OPCML: variants seen among roughly 807,000 people sequenced by gnomAD.
The protein encoded by OPCML is opioid binding protein/cell adhesion molecule like.
OPCML carries 13 observed loss-of-function variants against 37.8 expected under a neutral mutation model. That is an observed-to-expected ratio of 0.34 (90% confidence interval 0.22 to 0.55). The LOEUF (loss-of-function observed/expected upper bound fraction) is 0.55. OPCML is among the 20% of genes least tolerant of loss of function. OPCML has a pLI of 0.91. For synonymous variants in OPCML, 176 were observed against 168.8 expected (o/e 1.04, Z -0.33); for missense variants, 341 against 435.6 (o/e 0.78, Z 1.93).
At chr11:133,347,040 A>G (rs1435339930) in intron 1 of OPCML, among the ~76,000 whole-genome samples, 4 of 152,218 alleles carry the variant, frequency 2.6e-5, no homozygotes, top group African/African-American at 9.6e-5. Context: ...ATTGAGGGAG[A>G]GGATAAACAA....
intron 1 of OPCML, among the ~76,000 whole-genome samples, chr11:133,118,647 TA>T (rs1448013506): frequency 2.7e-5 from 4 of 150,294 alleles, no homozygotes; most frequent in African/African-American, 9.8e-5. Context: ...ATTTTTACCA[TA>T]TGAAAAAAAA....
chr11:133,439,530 C>T (rs1371474725), intron 1 of OPCML, among the ~76,000 whole-genome samples: 2 of 151,746 alleles, frequency 1.3e-5, no homozygotes, highest in Admixed American at 6.6e-5. Flanking sequence ...TGCAGTGGCT[C>T]CATCTCTGCT....
intron 1 of OPCML, among the ~76,000 whole-genome samples, chr11:133,133,216 A>C (rs183789185): frequency 8.5e-5 from 13 of 152,214 alleles, no homozygotes; most frequent in African/African-American, 3.1e-4. Flanking sequence ...CATCATCCTT[A>C]GGTGGCCTCA....
intron 1 of OPCML, among the ~76,000 whole-genome samples, chr11:133,359,530 C>T (rs963006847): frequency 2.0e-5 from 3 of 151,296 alleles, no homozygotes; most frequent in African/African-American, 4.9e-5. Context: ...AAAAGTTCTT[C>T]GAGGCAGAGT....
chr11:132,528,497 G>C (rs1458491712), intron 4 of OPCML, among the ~76,000 whole-genome samples: 1 of 152,114 alleles, frequency 6.6e-6, no homozygotes, highest in African/African-American at 2.4e-5. Flanking sequence ...AGTTGGAAAT[G>C]GTTTTAACTG....
At chr11:133,437,906 G>A (rs922271121) in intron 1 of OPCML, among the ~76,000 whole-genome samples, 1 of 151,922 alleles carries the variant, frequency 6.6e-6, no homozygotes, top group African/African-American at 2.4e-5. Flanking sequence ...TCAAGTATGA[G>A]GACAAAATGA....
chr11:133,524,088 C>T (rs1448677298), intron 1 of OPCML, among the ~76,000 whole-genome samples: 1 of 152,230 alleles, frequency 6.6e-6, no homozygotes, highest in Non-Finnish European at 1.5e-5. Context: ...GGCATACATT[C>T]CCAATGCCTA....
chr11:132,551,757 C>T (rs919550424), intron 3 of OPCML, among the ~76,000 whole-genome samples: 1 of 152,152 alleles, frequency 6.6e-6, no homozygotes, highest in East Asian at 1.9e-4. Context: ...CCTTCTCCCA[C>T]CCACCAAATT....
chr11:132,755,613 G>T (rs888676101), intron 2 of OPCML, among the ~76,000 whole-genome samples: 2 of 152,082 alleles, frequency 1.3e-5, no homozygotes, highest in Non-Finnish European at 2.9e-5. Flanking sequence ...AATTTGTGTG[G>T]TTCATGGATT....
intron 1 of OPCML, among the ~76,000 whole-genome samples, chr11:132,993,302 T>C (rs1238430244): frequency 6.6e-6 from 1 of 152,148 alleles, no homozygotes; most frequent in East Asian, 1.9e-4. Context: ...AGTATGACAG[T>C]GTGCTGTTCT....
chr11:133,444,565 A>G (rs139678257), intron 1 of OPCML, among the ~76,000 whole-genome samples: 200 of 152,322 alleles, frequency 1.3e-3, no homozygotes, highest in African/African-American at 4.6e-3. Context: ...TTCTAGGGTT[A>G]TCTTTTCTTG....
chr11:132,793,784 C>T (rs914191455), intron 2 of OPCML, among the ~76,000 whole-genome samples: 1 of 152,146 alleles, frequency 6.6e-6, no homozygotes, highest in Non-Finnish European at 1.5e-5. Context: ...TGCCCTAGGC[C>T]CGGTCCTCTT....
At chr11:132,703,886 C>T (rs1280491460) in intron 2 of OPCML, among the ~76,000 whole-genome samples, 3 of 152,186 alleles carry the variant, frequency 2.0e-5, no homozygotes, top group Non-Finnish European at 4.4e-5. Flanking sequence ...GGCCTGGCAT[C>T]TGGATTTGCA....
intron 1 of OPCML, among the ~76,000 whole-genome samples, chr11:133,096,370 C>T (rs561630943): frequency 1.3e-5 from 2 of 151,530 alleles, no homozygotes; most frequent in African/African-American, 2.4e-5. Flanking sequence ...TTAAAAAGTA[C>T]AATTGAAATG....
intron 2 of OPCML, among the ~76,000 whole-genome samples, chr11:132,927,083 A>C (rs1332411053): frequency 6.6e-6 from 1 of 152,116 alleles, no homozygotes; most frequent in East Asian, 1.9e-4. Context: ...CAATATATGC[A>C]TTATGAGAGT....
chr11:133,093,875 C>A (rs1430814302), intron 1 of OPCML, among the ~76,000 whole-genome samples: 1 of 151,940 alleles, frequency 6.6e-6, no homozygotes, highest in African/African-American at 2.4e-5. Context: ...CAATTCAATT[C>A]ACTTGAAAAA....
At chr11:132,849,018 A>G (rs1427856593) in intron 2 of OPCML, among the ~76,000 whole-genome samples, 1 of 152,240 alleles carries the variant, frequency 6.6e-6, no homozygotes. Flanking sequence ...GGCAACTGAT[A>G]CTGCTTAATG....
chr11:133,107,033 G>C (rs1949170168), intron 1 of OPCML, among the ~76,000 whole-genome samples: 1 of 152,162 alleles, frequency 6.6e-6, no homozygotes, highest in African/African-American at 2.4e-5. Flanking sequence ...TGGAATCAGG[G>C]AAAACAAGGC....
intron 3 of OPCML, among the ~76,000 whole-genome samples, chr11:132,618,636 A>G (rs538675659): frequency 6.6e-6 from 1 of 152,332 alleles, no homozygotes; most frequent in South Asian, 2.1e-4. Context: ...CAACTTCTTT[A>G]TCCACATAGA....
Sources: allele counts gnomAD v4.1 joint callset (sites outside exome capture counted in the v4.1 genomes callset), GRCh38; gene constraint gnomAD v4.1.1; transcripts MANE v1.5; gene names NCBI Gene and HGNC (gene_info 2026-07-23, HGNC 2026-07-21).